HHIPL2: variants seen among roughly 807,000 people sequenced by gnomAD.
HHIPL2 encodes HHIP-like protein 2.
HHIPL2 carries 61 observed loss-of-function variants against 61.0 expected under a neutral mutation model. The ratio of observed to expected loss-of-function variants is 1.00; its 90% confidence interval spans 0.81 to 1.24. HHIPL2 has a LOEUF of 1.24. Among genes scored for constraint, HHIPL2 ranks in the 50% most tolerant of loss-of-function variants. HHIPL2 has a pLI of 0.00. For missense variants in HHIPL2, 885 were observed against 910.2 expected, an observed-to-expected ratio of 0.97 and a Z score of 0.36; for synonymous variants, 343 against 357.4, an observed-to-expected ratio of 0.96 and a Z score of 0.45.
intron 5 of HHIPL2, among the ~76,000 whole-genome samples, chr1:222,538,165 G>C (rs1385708568): frequency 2.6e-5 from 4 of 150,990 alleles, no homozygotes; most frequent in Non-Finnish European, 4.4e-5. Context: ...GCAAAACTAA[G>C]CTGTGGTGAG....
At chr1:222,535,083 GA>G (rs906989760) in intron 5 of HHIPL2, among the ~76,000 whole-genome samples, 2 of 151,768 alleles carry the variant, frequency 1.3e-5, no homozygotes, top group East Asian at 1.9e-4. Flanking sequence ...GCAGCCATAG[GA>G]AAAAAAATGA....
At position 222,544,182 on chromosome 1, in the gene HHIPL2, G is replaced by A. The variant is rs762521443; in HGVS notation, c.329C>T (p.Ser110Leu). 3 of 1,610,804 alleles carry A rather than the reference G, an allele frequency of 1.9e-6. No individual in the cohort carries two copies. Among genetic ancestry groups the A allele is most frequent in the East Asian group, 2.2e-5 (1 of 44,834 alleles). The change falls in exon 2 of 9, where the codon TCG becomes TTG. Residue 110 changes from serine (S) to leucine (L), a missense_variant. By Grantham distance (145) the Ser-to-Leu change is moderately radical (BLOSUM62 -2). Transcript: ENST00000343410. Reference sequence around the variant, plus strand: ...GTCGTAGAGGTGGGCTGCGTAGGGCGAGCACTCCTAAAAAAGAACGCGGAG... The same window carrying A: ...GTCGTAGAGGTGGGCTGCGTAGGGCAAGCACTCCTAAAAAAGAACGCGGAG... ...YIKDILCQECSPYAAHLYDAE... is the reference protein window; with the variant it reads ...YIKDILCQECLPYAAHLYDAE...
rs538671521 is a variant in HHIPL2, at chr1:222,532,008, T to A, written c.1681A>T (p.Thr561Ser). Residue 561 changes from threonine to serine, a missense_variant, in exon 6 of 9, where the codon ACC becomes TCC. By Grantham distance (58) the Thr-to-Ser change is moderately conservative. Coordinates refer to ENST00000343410, the MANE Select transcript of HHIPL2 (RefSeq NM_024746.4). ...AAGGAGATGATGAACTTGCTATGGGTGCTGATCAGCCCTGGGAAGGCACAG... is the reference window on the plus strand; with the variant it reads ...AAGGAGATGATGAACTTGCTATGGGAGCTGATCAGCCCTGGGAAGGCACAG... ...TSCAFPGLIS[T>S]HSKFIISFAE... The A allele has an allele frequency of 1.2e-6, 2 of 1,612,982 alleles. No homozygotes were observed. The highest frequency in any genetic ancestry group is 2.7e-5 in the African/African-American group (2 of 75,052).
In HHIPL2 at chr1:222,547,709, G is replaced by A. The variant is rs751546194; in HGVS notation, c.321+15C>T. The A allele has an allele frequency of 3.7e-6, 6 of 1,604,894 alleles. No homozygotes were observed. Among genetic ancestry groups the A allele is most frequent in the Non-Finnish European group, 4.3e-6 (5 of 1,172,762 alleles). ...AGCACCCAAACCCCTGGGGCTGGAAGGCACTTTTCACTACCTGGCAAAGGA... is the reference window on the plus strand; with the variant it reads ...AGCACCCAAACCCCTGGGGCTGGAAAGCACTTTTCACTACCTGGCAAAGGA... On this transcript the variant is annotated intron_variant, in intron 1 of 8. Coordinates refer to ENST00000343410, the MANE Select transcript of HHIPL2 (RefSeq NM_024746.4).
intron 7 of HHIPL2, chr1:222,523,946 C>T: frequency 2.0e-6 from 1 of 491,190 alleles, no homozygotes; most frequent in Middle Eastern, 3.7e-4. Flanking sequence ...TGGTGGCAGT[C>T]AAAACGGGTT....
chr1:222,543,584 C>A lies in HHIPL2; in HGVS notation c.927G>T (p.Met309Ile). 6.2e-7 allele frequency: 1 copy of A among 1,614,104 alleles called. No individual in the cohort carries two copies. Among genetic ancestry groups the A allele is most frequent in the Non-Finnish European group, 8.5e-7 (1 of 1,179,958 alleles). The change falls in exon 2 of 9, where the codon ATG becomes ATT. Residue 309 changes from methionine to isoleucine, a missense_variant. Met to Ile is a conservative substitution (Grantham distance 10). Transcript: ENST00000343410. ...KKVEKIRISE[M>I]KVSRADPNKA... is the part of the protein sequence containing the mutation. Reference sequence around the variant, plus strand: ...TGTTAGGATCAGCCCGAGAAACCTTCATCTCACTAATTCGGATCTTTTCTA... The same window carrying A: ...TGTTAGGATCAGCCCGAGAAACCTTAATCTCACTAATTCGGATCTTTTCTA...
chr1:222,528,153 T>G (rs1020410598), intron 6 of HHIPL2, among the ~76,000 whole-genome samples: 2 of 152,202 alleles, frequency 1.3e-5, no homozygotes, highest in African/African-American at 4.8e-5. Context: ...TGAGCCCCAG[T>G]GGAGAGTCCC....
In HHIPL2 at chr1:222,538,651, C is replaced by T. The variant is rs1350111024; in HGVS notation, c.1574G>A (p.Ser525Asn). 6 of 1,613,462 alleles carry T rather than the reference C, an allele frequency of 3.7e-6. No individual in the cohort carries two copies. The highest frequency in any genetic ancestry group is 5.1e-6 in the Non-Finnish European group (6 of 1,179,546). ...NGLYIFGDFM[S>N]GRLMALQEDR... The stretch of plus-strand genomic sequence containing the variant: ...AGGGACATCAGTCCTTCCTTACCCA[C>T]TCATGAAGTCTCCAAAGATATACAG... Residue 525 changes from serine to asparagine, a missense_variant, in exon 5 of 9, where the codon AGT becomes AAT. Physicochemically the swap from Ser to Asn is conservative, Grantham distance 46 (BLOSUM62 1). Transcript: ENST00000343410.
chr1:222,541,317 A>G (rs540791157), intron 3 of HHIPL2, among the ~76,000 whole-genome samples: 75 of 152,318 alleles, frequency 4.9e-4, no homozygotes, highest in African/African-American at 1.8e-3. Flanking sequence ...AGACAGCATC[A>G]CTGGGCTCTG....
chr1:222,522,580 T>C lies in HHIPL2; in HGVS notation c.*21A>G, dbSNP rs746845182. The C allele has an allele frequency of 6.2e-7, 1 of 1,605,068 alleles. No homozygotes were observed. The highest frequency in any genetic ancestry group is 8.5e-7 in the Non-Finnish European group (1 of 1,177,674). ...GGCTCTCCTCTCTCACGTCACCCTG[T>C]CGGCCACCTTGACCAATAGGTCAAG... is the stretch of plus-strand genomic sequence containing the variant. On this transcript the variant is annotated 3_prime_UTR_variant, in exon 9 of 9. Transcript: ENST00000343410.
chr1:222,539,709 G>A (rs61825516), intron 4 of HHIPL2, among the ~76,000 whole-genome samples: 70,165 of 151,872 alleles, frequency 0.46, 17,081 homozygotes, highest in East Asian at 0.66. Context: ...AAATTAATGT[G>A]GGTAACTTAT....
rs762415410 is a variant in HHIPL2, at chr1:222,543,586, T to G, written c.925A>C (p.Met309Leu). The G allele has an allele frequency of 1.2e-6, 2 of 1,614,110 alleles. No individual in the cohort carries two copies. ...KKVEKIRISE[M>L]KVSRADPNKA... is the part of the protein sequence containing the mutation. ...TTAGGATCAGCCCGAGAAACCTTCATCTCACTAATTCGGATCTTTTCTACC... is the reference window on the plus strand; with the variant it reads ...TTAGGATCAGCCCGAGAAACCTTCAGCTCACTAATTCGGATCTTTTCTACC... Residue 309 changes from methionine to leucine, a missense_variant, in exon 2 of 9, where the codon ATG becomes CTG. By Grantham distance (15) the Met-to-Leu change is conservative (BLOSUM62 2). Coordinates refer to ENST00000343410, the MANE Select transcript of HHIPL2 (RefSeq NM_024746.4).
chr1:222,545,759 A>G (rs183740897), intron 1 of HHIPL2, among the ~76,000 whole-genome samples: 1 of 152,230 alleles, frequency 6.6e-6, no homozygotes, highest in African/African-American at 2.4e-5. Flanking sequence ...AGCCAGGCGC[A>G]GTAGCTCACG....
At chr1:222,527,795 T>C (rs1659101251) in intron 6 of HHIPL2, among the ~76,000 whole-genome samples, 1 of 152,172 alleles carries the variant, frequency 6.6e-6, no homozygotes, top group African/African-American at 2.4e-5. Flanking sequence ...TCCGATGGTT[T>C]TATATAGTTT....
intron 5 of HHIPL2, among the ~76,000 whole-genome samples, chr1:222,532,415 C>A (rs1298923454): frequency 6.6e-6 from 1 of 152,094 alleles, no homozygotes; most frequent in African/African-American, 2.4e-5. Flanking sequence ...GAGTTCACGA[C>A]CAGCCTGGCC....
rs188311738 is a variant in HHIPL2, at chr1:222,547,998, C to A, written c.47G>T (p.Arg16Leu). The change falls in exon 1 of 9, where the codon CGG becomes CTG. Residue 16 changes from arginine to leucine, a missense_variant. Coordinates refer to ENST00000343410, the MANE Select transcript of HHIPL2 (RefSeq NM_024746.4). ...AATGCCAGAAGAGAGCCAGGGGGCCCGGCAATGCAGACCACCACACAGATT... is the reference window on the plus strand; with the variant it reads ...AATGCCAGAAGAGAGCCAGGGGGCCAGGCAATGCAGACCACCACACAGATT... ...TPNLCGGLHC[R>L]APWLSSGILC... is the part of the protein sequence containing the mutation. The A allele has an allele frequency of 3.7e-6, 6 of 1,603,636 alleles. No individual in the cohort carries two copies. The South Asian group carries it at 6.7e-5, about 18-fold the overall frequency.
At chr1:222,543,457 TC>T in intron 2 of HHIPL2, 79 bp downstream of exon 2, 1 of 1,337,256 alleles carries the variant, frequency 7.5e-7, no homozygotes, top group Non-Finnish European at 1.0e-6. Context: ...CCAGTGAAGT[TC>T]CCCTCTATTA....
At chr1:222,526,319 C>T (rs1571763455) in intron 7 of HHIPL2, among the ~76,000 whole-genome samples, 1 of 151,956 alleles carries the variant, frequency 6.6e-6, no homozygotes, top group Non-Finnish European at 1.5e-5. Context: ...GCACCAAGCC[C>T]AGGGGACAGG....
chr1:222,531,506 G>C (rs528982280), intron 6 of HHIPL2, among the ~76,000 whole-genome samples: 168 of 152,316 alleles, frequency 1.1e-3, no homozygotes, highest in African/African-American at 3.8e-3. Context: ...TCAGCACTTT[G>C]GGAGGCTGAG....
Sources: allele counts gnomAD v4.1 joint callset (sites outside exome capture counted in the v4.1 genomes callset), GRCh38; gene constraint gnomAD v4.1.1; transcripts MANE v1.5; gene names NCBI Gene and HGNC (gene_info 2026-07-23, HGNC 2026-07-21).